EPSTI1: variants seen among roughly 807,000 people sequenced by gnomAD.
The protein encoded by EPSTI1 is epithelial-stromal interaction protein 1.
EPSTI1 carries 66 observed loss-of-function variants against 49.9 expected under a neutral mutation model. The ratio of observed to expected loss-of-function variants is 1.32; its 90% CI spans 1.08 to 1.62. The LOEUF (loss-of-function observed/expected upper bound fraction) is 1.62, where lower values mean the gene tolerates loss of function less well. Ranked by LOEUF, EPSTI1 falls within the 40% of genes most tolerant of loss-of-function variation. The pLI, the probability that EPSTI1 is intolerant of heterozygous loss-of-function variation, is 0.00. For missense variants in EPSTI1, 394 were observed against 365.5 expected (o/e 1.08, Z -0.64); for synonymous variants, 137 against 130.7 (o/e 1.05, Z -0.33).
Position 42,942,658 on chromosome 13 carries a change from CTTTTTTTTTTTTTTTTTTTTT to C in EPSTI1, c.563+11269_563+11289del, listed in dbSNP as rs1161224574. On this transcript the variant is annotated intron_variant, in intron 6 of 10. Transcript: ENST00000313624. ...TGATTTTAATTAGATCCTGTTGATT[CTTTTTTTTTTTTTTTTTTTTT>C]TTTTTTTTTTTTTTTTTTTTGAGAC... is the stretch of plus-strand genomic sequence containing the variant. 1.2e-4 allele frequency among the ~76,000 whole-genome samples: 8 copies of C among 64,652 alleles called. 1 individual carries two copies. The South Asian group carries it at 2.5e-3, about 21-fold the overall frequency. The allele number at this position is 64,652 out of a possible 152,430, so 42.4% of individuals were successfully genotyped here. A position where few individuals can be genotyped will look rare whatever the true frequency, so the allele number is the denominator to read the frequency against.
chr13:42,985,632 A>G (rs12855887), intron 1 of EPSTI1, among the ~76,000 whole-genome samples: 56,614 of 152,124 alleles, frequency 0.37, 11,853 homozygotes, highest in Non-Finnish European at 0.47. Context: ...GAATATGGGG[A>G]GTCTTCCAGC....
At chr13:42,990,044 A>G (rs1195230197) in intron 1 of EPSTI1, among the ~76,000 whole-genome samples, 1 of 152,096 alleles carries the variant, frequency 6.6e-6, no homozygotes, top group Non-Finnish European at 1.5e-5. Flanking sequence ...AAAGGAAACA[A>G]GTGAGAAAGT....
intron 8 of EPSTI1, among the ~76,000 whole-genome samples, chr13:42,913,927 T>C (rs1594637620): frequency 6.6e-6 from 1 of 152,166 alleles, no homozygotes; most frequent in African/African-American, 2.4e-5. Flanking sequence ...GAAATATGGT[T>C]GTTTAAAAGT....
chr13:42,923,010 T>C (rs1382371876), intron 7 of EPSTI1, among the ~76,000 whole-genome samples: 1 of 152,122 alleles, frequency 6.6e-6, no homozygotes, highest in East Asian at 1.9e-4. Context: ...TTGCTTCCCC[T>C]CACCCCTTTG....
At chr13:42,925,409 C>T (rs1320116909) in intron 7 of EPSTI1, among the ~76,000 whole-genome samples, 1 of 151,984 alleles carries the variant, frequency 6.6e-6, no homozygotes, top group Non-Finnish European at 1.5e-5. Flanking sequence ...ACGCAGTATG[C>T]GGGGCATTTC....
rs540010764 is a variant in EPSTI1, at chr13:42,894,956, T to G, written c.915+53A>C. The G allele has an allele frequency of 2.0e-6, 3 of 1,468,128 alleles. No individual in the cohort carries two copies. In the Admixed American group the frequency reaches 5.8e-5, roughly 28 times the overall value. The allele number at this position is 1,468,128 out of a possible 1,614,324, so 90.9% of individuals were successfully genotyped here. A position where few individuals can be genotyped will look rare whatever the true frequency, so the allele number is the denominator to read the frequency against. ...CAAAACATATATTAAAAATTCTCAT[T>G]GTTTTTATTCTTCAACATTGAAAGA... On this transcript the variant is annotated intron_variant, in intron 10 of 10. Transcript: ENST00000313624.
Position 42,992,002 on chromosome 13 carries a change from C to G in EPSTI1, c.164G>C (p.Ser55Thr). 1 of 1,613,416 alleles carries G rather than the reference C, an allele frequency of 6.2e-7. No individual in the cohort carries two copies. The highest frequency in any genetic ancestry group is 1.1e-5 in the South Asian group (1 of 91,088). ...EAAPKGPSRE[S>T]VVHAGQRRTS... ...CCGCCTCTGGCCCGCGTGCACGACG[C>G]TCTCCCGCGAAGGGCCCTTAGGGGC... The change falls in exon 1 of 11, where the codon AGC (serine) becomes ACC (threonine). Residue 55 changes from serine to threonine, a missense_variant. Transcript: ENST00000313624.
rs903188695 is a variant in EPSTI1 at position 42,888,240 on chromosome 13, A to G, written c.*254T>C. ...CTACCCTACCAACATCACTCTAATT[A>G]TACTTCCAATTAGAAAAATAATGTA... On this transcript the variant is annotated 3_prime_UTR_variant, in exon 11 of 11. Transcript: ENST00000313624. The G allele has an allele frequency of 6.2e-7, 1 of 1,613,364 alleles. No homozygotes were observed. The highest frequency in any genetic ancestry group is 8.5e-7 in the Non-Finnish European group (1 of 1,179,454).
chr13:42,973,776 A>C (rs973801753), intron 1 of EPSTI1, among the ~76,000 whole-genome samples: 2 of 152,184 alleles, frequency 1.3e-5, no homozygotes, highest in Non-Finnish European at 2.9e-5. Flanking sequence ...CAAAGTTGCT[A>C]ATCTAGACAA....
At chr13:42,942,984 A>G (rs1268283383) in intron 6 of EPSTI1, among the ~76,000 whole-genome samples, 2 of 152,108 alleles carry the variant, frequency 1.3e-5, no homozygotes, top group African/African-American at 2.4e-5. Flanking sequence ...CACCGCGCCC[A>G]GCCCTGATTC....
chr13:42,907,855 G>A (rs182466343), intron 8 of EPSTI1, among the ~76,000 whole-genome samples: 1 of 152,194 alleles, frequency 6.6e-6, no homozygotes. Context: ...TGCTTTATTC[G>A]AATTGACTTT....
chr13:42,940,483 G>A (rs569001930), intron 6 of EPSTI1, among the ~76,000 whole-genome samples: 12 of 152,224 alleles, frequency 7.9e-5, no homozygotes, highest in African/African-American at 2.6e-4. Flanking sequence ...TTTGCTCATG[G>A]AGCCATATTT....
At chr13:42,969,232 CAG>C (rs1402220363) in intron 2 of EPSTI1, 55 bp from the exon 3 acceptor site, 2 of 1,541,952 alleles carry the variant, frequency 1.3e-6, no homozygotes, top group Non-Finnish European at 1.8e-6. Flanking sequence ...AAAAGAAAAC[CAG>C]TCCCTTCAAA....
chr13:42,889,313 AAT>A, intron 10 of EPSTI1: 1 of 945,526 alleles, frequency 1.1e-6, no homozygotes, highest in Non-Finnish European at 1.6e-6. Context: ...TATGTTAAGA[AAT>A]ATGAGAAGAC....
At chr13:42,932,127 CTT>C (rs10604032) in intron 6 of EPSTI1, among the ~76,000 whole-genome samples, 95,701 of 151,196 alleles carry the variant, frequency 0.63, 30,554 homozygotes, top group Non-Finnish European at 0.68. Flanking sequence ...GAGGTGGGGT[CTT>C]GCTGTGTTGC....
At position 42,922,403 on chromosome 13, in the gene EPSTI1, A is replaced by C. The variant is rs1211771033; in HGVS notation, c.657+3933T>G. On this transcript the variant is annotated intron_variant, in intron 7 of 10. Coordinates refer to ENST00000313624, the MANE Select transcript of EPSTI1 (RefSeq NM_033255.5). This position sits in a 1 kb window ranked among gnomAD's most constrained non-coding sequence, Gnocchi z 4.8. ...AGGGTCATTATAAGAGGAAGGCAGA[A>C]AGGTCAGGGAGGGTGCAGAAGGTTG... Among the ~76,000 whole-genome samples the C allele has an allele frequency of 6.6e-6, 1 of 152,124 alleles. No homozygotes were observed. The highest frequency in any genetic ancestry group is 1.5e-5 in the Non-Finnish European group (1 of 68,022).
chr13:42,907,902 CA>C (rs982292564), intron 8 of EPSTI1, among the ~76,000 whole-genome samples: 4 of 152,108 alleles, frequency 2.6e-5, no homozygotes, highest in African/African-American at 9.7e-5. Flanking sequence ...TACTGGCATA[CA>C]AACCAATGGA....
At chr13:42,969,459 G>A in intron 2 of EPSTI1, 1 of 383,032 alleles carries the variant, frequency 2.6e-6, no homozygotes, top group Non-Finnish European at 4.7e-6. Flanking sequence ...CTACCATTCT[G>A]GCATTTTTAA....
intron 9 of EPSTI1, among the ~76,000 whole-genome samples, chr13:42,897,172 C>T (rs963114641): frequency 2.0e-5 from 3 of 152,036 alleles, no homozygotes; most frequent in African/African-American, 7.2e-5. Flanking sequence ...AGAGCCTCTG[C>T]ACTTGCTCTT....
Sources: gnomAD v4.1 joint callset for allele counts (sites outside exome capture counted in the v4.1 genomes callset) on GRCh38, gnomAD v4.1.1 for gene constraint, Gnocchi (gnomAD v3.1) non-coding constraint, MANE v1.5 for transcripts, NCBI Gene and HGNC (gene_info 2026-07-23, HGNC 2026-07-21) for gene names.